Variants in PUS7L observed in about 807,000 individuals in gnomAD.
PUS7L encodes pseudouridylate synthase PUS7L.
In PUS7L, 49 loss-of-function variants were observed where a neutral mutation model predicts 51.1. The observed-to-expected ratio is 0.96, with a 90% confidence interval of 0.76 to 1.22. The LOEUF (loss-of-function observed/expected upper bound fraction) is 1.22. Among genes scored for constraint, PUS7L ranks in the 50% most tolerant of loss-of-function variants. The probability of loss-of-function intolerance (pLI) is 0.00; values close to 1 mark genes in which losing one functional copy is unlikely to be tolerated. For synonymous variants in PUS7L, 277 were observed against 276.2 expected (o/e 1.00, Z -0.03); for missense variants, 828 against 820.6 (o/e 1.01, Z -0.11).
intron 5 of PUS7L, among the ~76,000 whole-genome samples, chr12:43,741,649 T>C (rs2137701751): frequency 6.6e-6 from 1 of 152,216 alleles, no homozygotes; most frequent in East Asian, 1.9e-4. Context: ...ATCAGTTATA[T>C]TCCAGTTGCT....
At position 43,729,433 on chromosome 12, in the gene PUS7L, C is replaced by T. The variant is rs967227218; in HGVS notation, c.*943G>A. On this transcript the variant is annotated 3_prime_UTR_variant, in exon 9 of 9. Coordinates refer to ENST00000344862, the MANE Select transcript of PUS7L (RefSeq NM_031292.5). Reference sequence around the variant, plus strand: ...CCTAAATCAATACATGTCTACATGCCAGTCATTCCTCCCCAACACACCCAT... The same window carrying T: ...CCTAAATCAATACATGTCTACATGCTAGTCATTCCTCCCCAACACACCCAT... 4.0e-4 allele frequency: 147 copies of T among 371,872 alleles called. No individual in the cohort carries two copies. The highest frequency in any genetic ancestry group is 2.9e-3 in the African/African-American group (139 of 48,122). The allele number at this position is 371,872 out of a possible 1,614,324, so 23.0% of individuals were successfully genotyped here. A position where few individuals can be genotyped will look rare whatever the true frequency, so the allele number is the denominator to read the frequency against.
In PUS7L at chr12:43,730,090, T is replaced by C. The variant is rs1944514598; in HGVS notation, c.*286A>G. On this transcript the variant is annotated 3_prime_UTR_variant, in exon 9 of 9. Transcript: ENST00000344862. ...TATCTTGCAGTATTATATATATTCC[T>C]AATGGTTTTAAAAGATTGTAACTTT... 3.1e-6 allele frequency: 1 copy of C among 324,184 alleles called. No homozygotes were observed. Among genetic ancestry groups the C allele is most frequent in the Non-Finnish European group, 5.7e-6 (1 of 175,844 alleles). The allele number at this position is 324,184 out of a possible 1,614,324, so 20.1% of individuals were successfully genotyped here. A position where few individuals can be genotyped will look rare whatever the true frequency, so the allele number is the denominator to read the frequency against.
Position 43,738,298 on chromosome 12 carries a change from A to G in PUS7L, c.1444+12T>C, listed in dbSNP as rs772970879. ...CTGCATGGTTATGTACAGGATAAAG[A>G]AACGTAAATACCAGTTTGAAGAAAA... On this transcript the variant is annotated intron_variant, in intron 6 of 8. Transcript: ENST00000344862. 2 of 1,388,270 alleles carry G rather than the reference A, an allele frequency of 1.4e-6. No homozygotes were observed. Among genetic ancestry groups the G allele is most frequent in the East Asian group, 4.6e-5 (2 of 43,702 alleles). 86.0% of individuals were successfully genotyped at this position (1,388,270 alleles called of 1,614,324 possible). A position where few individuals can be genotyped will look rare whatever the true frequency, so the allele number is the denominator to read the frequency against.
chr12:43,735,775 A>C (rs1005392031), intron 7 of PUS7L, among the ~76,000 whole-genome samples: 1 of 151,856 alleles, frequency 6.6e-6, no homozygotes, highest in Admixed American at 6.6e-5. Flanking sequence ...CCTCATCTGT[A>C]ATGTTTTTAT....
At chr12:43,748,663 T>C in intron 2 of PUS7L, 54 bp from the exon 3 acceptor site, 1 of 1,333,638 alleles carries the variant, frequency 7.5e-7, no homozygotes, top group Non-Finnish European at 1.0e-6. Flanking sequence ...ATACATCAAT[T>C]ACATTCTTAG....
rs1445568388 is a variant in PUS7L, at chr12:43,721,413, A to G, written c.*8963T>C. ...AGTATTACAAAAGAAAAAGCATTAT[A>G]AAGATACCCAATTTTAATACTCTAA... On this transcript the variant is annotated 3_prime_UTR_variant, in exon 9 of 9. Transcript: ENST00000344862. 2.6e-5 allele frequency: 4 copies of G among 152,228 alleles called. No homozygotes were observed. The highest frequency in any genetic ancestry group is 7.2e-5 in the African/African-American group (3 of 41,452). 9.4% of individuals were successfully genotyped at this position (152,228 alleles called of 1,614,324 possible). A position where few individuals can be genotyped will look rare whatever the true frequency, so the allele number is the denominator to read the frequency against.
chr12:43,735,818 C>T (rs1457143763), intron 7 of PUS7L, among the ~76,000 whole-genome samples: 1 of 152,076 alleles, frequency 6.6e-6, no homozygotes, highest in Non-Finnish European at 1.5e-5. Flanking sequence ...GTTCTGTTAC[C>T]CTGCCTGGAG....
In PUS7L at chr12:43,754,327, T is replaced by C; in HGVS notation, c.910+9A>G. ...ATCCAAGAAAATGGATGATGATTTA[T>C]TAAATTACCTGTATATATAACTTTT... On this transcript the variant is annotated intron_variant, in intron 2 of 8. Coordinates refer to ENST00000344862, the MANE Select transcript of PUS7L (RefSeq NM_031292.5). The C allele has an allele frequency of 6.6e-7, 1 of 1,516,680 alleles. No homozygotes were observed. Among genetic ancestry groups the C allele is most frequent in the East Asian group, 2.3e-5 (1 of 44,194 alleles). The allele number at this position is 1,516,680 out of a possible 1,614,324, so 94.0% of individuals were successfully genotyped here.
Position 43,758,771 on chromosome 12 carries a change from C to T in PUS7L, c.-58G>A. ...GCATTCATTTGCACAACGCTGTGCG[C>T]ATGCCCGGAAGCCTTAAGTGTTTCA... On this transcript the variant is annotated 5_prime_UTR_variant, in exon 1 of 9. An upstream start codon of the reference 5' UTR is lost. Coordinates refer to ENST00000344862, the MANE Select transcript of PUS7L (RefSeq NM_031292.5). 1 of 973,758 alleles carries T rather than the reference C, an allele frequency of 1.0e-6. No individual in the cohort carries two copies. The highest frequency in any genetic ancestry group is 1.2e-6 in the Non-Finnish European group (1 of 819,726). The allele number at this position is 973,758 out of a possible 1,614,324, so 60.3% of individuals were successfully genotyped here. A position where few individuals can be genotyped will look rare whatever the true frequency, so the allele number is the denominator to read the frequency against.
rs143330637 is a variant in PUS7L at position 43,736,517 on chromosome 12, T to C, written c.1589A>G (p.Tyr530Cys). The change falls in exon 7 of 9, where the codon TAT (tyrosine) becomes TGT (cysteine). Residue 530 changes from tyrosine (Y) to cysteine (C), a missense_variant. Physicochemically the swap from Tyr to Cys is radical, Grantham distance 194. Transcript: ENST00000344862. ...FSLPHSMRIF[Y>C]VHAYTSKIWN... The stretch of plus-strand genomic sequence containing the variant: ...AATTTTGCTGGTATATGCGTGAACA[T>C]AGAATATGCGCATGGAATGGGGTAA... The C allele has an allele frequency of 1.5e-5, 24 of 1,614,080 alleles. No homozygotes were observed. The highest frequency in any genetic ancestry group is 2.7e-5 in the African/African-American group (2 of 74,934).
chr12:43,755,147 G>A lies in PUS7L; in HGVS notation c.99C>T (p.Asp33=). The A allele has an allele frequency of 6.2e-7, 1 of 1,613,290 alleles. No individual in the cohort carries two copies. Among genetic ancestry groups the A allele is most frequent in the African/African-American group, 1.3e-5 (1 of 75,018 alleles). The change falls in exon 2 of 9, where the codon GAC becomes GAT. Residue 33 remains aspartate (D), a synonymous_variant. Transcript: ENST00000344862. The part of the protein sequence containing the change: ...FHGTIKSSPS[D]FIVIEIDEQG... ...GTTCATCAATTTCAATAACAATAAA[G>A]TCACTTGGTGAGCTTTTTATAGTGC... is the stretch of plus-strand genomic sequence containing the variant.
chr12:43,752,326 C>T (rs1475276451), intron 2 of PUS7L, among the ~76,000 whole-genome samples: 6 of 152,202 alleles, frequency 3.9e-5, no homozygotes, highest in African/African-American at 1.4e-4. Flanking sequence ...TGGCTTTCCC[C>T]AGAGTGAGCA....
Position 43,722,775 on chromosome 12 carries a change from C to T in PUS7L, c.*7601G>A, listed in dbSNP as rs1250626699. On this transcript the variant is annotated 3_prime_UTR_variant, in exon 9 of 9. Transcript: ENST00000344862. ...AACAATGATCAGCTCAGATTAAAAC[C>T]CTATTGTACTGAAAAACTCAGAATC... 6.6e-6 allele frequency: 1 copy of T among 151,976 alleles called. No individual in the cohort carries two copies. Among genetic ancestry groups the T allele is most frequent in the Admixed American group, 6.6e-5 (1 of 15,256 alleles). 9.4% of individuals were successfully genotyped at this position (151,976 alleles called of 1,614,324 possible).
chr12:43,754,501 C>G lies in PUS7L; in HGVS notation c.745G>C (p.Val249Leu). 1 of 1,613,716 alleles carries G rather than the reference C, an allele frequency of 6.2e-7. No individual in the cohort carries two copies. Among genetic ancestry groups the G allele is most frequent in the Non-Finnish European group, 8.5e-7 (1 of 1,179,808 alleles). Reference protein sequence around the residue: ...KDHRKAVHHFVNKKFGNLVET... With the variant: ...KDHRKAVHHFLNKKFGNLVET... Reference sequence around the variant, plus strand: ...ACAAGGTTTCCAAACTTTTTGTTGACAAAATGGTGGACAGCTTTTCTGTGG... The same window carrying G: ...ACAAGGTTTCCAAACTTTTTGTTGAGAAAATGGTGGACAGCTTTTCTGTGG... Residue 249 changes from valine (V) to leucine (L), a missense_variant, in exon 2 of 9, where the codon GTC (valine) becomes CTC (leucine). Transcript: ENST00000344862.
At chr12:43,758,177 T>C (rs936510511) in intron 1 of PUS7L, 2 of 375,974 alleles carry the variant, frequency 5.3e-6, no homozygotes, top group African/African-American at 4.4e-5. Flanking sequence ...AATGATCTTT[T>C]CTTTCTCCCA....
chr12:43,754,405 GA>G lies in PUS7L; in HGVS notation c.840del (p.Arg281GlyfsTer41). The G allele has an allele frequency of 6.2e-7, 1 of 1,611,604 alleles. No individual in the cohort carries two copies. The highest frequency in any genetic ancestry group is 8.5e-7 in the Non-Finnish European group (1 of 1,179,180). On this transcript the variant is annotated frameshift_variant, in exon 2 of 9. Transcript: ENST00000344862. LOFTEE classifies it high-confidence loss of function. The stretch of plus-strand genomic sequence containing the variant: ...TTCCCACGTTTGTGTGCTTTTTCCC[GA>G]AATCTTACTGTTACCACCACATTCG... The part of the protein sequence containing the change: ...GNPNVVVTVR[F>X]REKAHKRGKR...
In PUS7L at chr12:43,754,360, G is replaced by A. The variant is rs2030482255; in HGVS notation, c.886C>T (p.Gln296Ter). The change falls in exon 2 of 9, where the codon CAA (glutamine) becomes TAA (stop). Residue 296 changes from glutamine (Q) to a stop codon, truncating the protein, a stop_gained. Transcript: ENST00000344862. LOFTEE classifies it high-confidence loss of function. ...CCTGTATATATAACTTTTCCTTCTT[G>A]GCATTCAGAAAGAGGCCTTTTCCCA... is the stretch of plus-strand genomic sequence containing the variant. The part of the protein sequence containing the change: ...KRGKRPLSEC[Q>*]EGKVIYTAFT... 2 of 1,596,462 alleles carry A rather than the reference G, an allele frequency of 1.3e-6. No homozygotes were observed. Among genetic ancestry groups the A allele is most frequent in the Non-Finnish European group, 1.7e-6 (2 of 1,173,666 alleles).
intron 5 of PUS7L, chr12:43,740,925 G>T (rs1158488997): frequency 6.6e-6 from 1 of 152,074 alleles, no homozygotes; most frequent in Non-Finnish European, 1.5e-5. Context: ...CCTCCATCCT[G>T]GTCAAGTCTT....
rs376446114 is a variant in PUS7L at position 43,748,486 on chromosome 12, T to G, written c.1034A>C (p.Tyr345Ser). The change falls in exon 3 of 9, where the codon TAT becomes TCT. Residue 345 changes from tyrosine (Y) to serine (S), a missense_variant. Transcript: ENST00000344862. ...CACTTTTCTAACAACCATTGCTTGATAGGTGATGGCTTTCTTGTCTTTAAG... is the reference window on the plus strand; with the variant it reads ...CACTTTTCTAACAACCATTGCTTGAGAGGTGATGGCTTTCTTGTCTTTAAG... ...AGLKDKKAIT[Y>S]QAMVVRKVTP... is the part of the protein sequence containing the mutation. 5.6e-6 allele frequency: 9 copies of G among 1,604,938 alleles called. No homozygotes were observed. Among genetic ancestry groups the G allele is most frequent in the Non-Finnish European group, 7.6e-6 (9 of 1,177,744 alleles).
Sources: gnomAD v4.1 joint callset for allele counts (sites outside exome capture counted in the v4.1 genomes callset) on GRCh38, gnomAD v4.1.1 for gene constraint, MANE v1.5 for transcripts, NCBI Gene and HGNC (gene_info 2026-07-23, HGNC 2026-07-21) for gene names.